Variants in NECTIN1 observed in about 807,000 individuals in gnomAD.
NECTIN1 encodes the protein nectin-1.
A neutral mutation model predicts 48.0 loss-of-function variants in NECTIN1; 23 were observed. The observed-to-expected ratio is 0.48, with a 90% CI of 0.34 to 0.68. The LOEUF (loss-of-function observed/expected upper bound fraction) is 0.68. Ranked by LOEUF, NECTIN1 falls within the 30% of genes least tolerant of loss-of-function variation. NECTIN1 has a pLI of 0.01. For synonymous variants in NECTIN1, 270 were observed against 288.9 expected (o/e 0.93, Z 0.66); for missense variants, 591 against 709.9 (o/e 0.83, Z 1.90).
intron 1 of NECTIN1, among the ~76,000 whole-genome samples, chr11:119,679,479 G>C (rs987957072): frequency 6.6e-6 from 1 of 152,114 alleles, no homozygotes; most frequent in African/African-American, 2.4e-5. Flanking sequence ...CACTGCATAA[G>C]GCCAGGCCTC....
At chr11:119,679,033 C>A (rs1310489467) in intron 1 of NECTIN1, among the ~76,000 whole-genome samples, 1 of 152,174 alleles carries the variant, frequency 6.6e-6, no homozygotes, top group Non-Finnish European at 1.5e-5. Flanking sequence ...TCCACATAAC[C>A]ATCTATCTAT....
In NECTIN1 at chr11:119,662,847, G is replaced by C; in HGVS notation, c.*1900C>G. 1.0e-6 allele frequency: 1 copy of C among 986,136 alleles called. No individual in the cohort carries two copies. The highest frequency in any genetic ancestry group is 1.7e-5 in the African/African-American group (1 of 57,360). The allele number at this position is 986,136 out of a possible 1,614,324, so 61.1% of individuals were successfully genotyped here. On this transcript the variant is annotated 3_prime_UTR_variant, in exon 6 of 6. Transcript: ENST00000264025. The surrounding 1 kb of genome is among the most constrained non-coding windows in gnomAD (Gnocchi z 5.3). Reference sequence around the variant, plus strand: ...CCCTATCCAGTACCCCAAATGTGTAGAGGGGAGAGCCGCACCAGGGCTGGC... The same window carrying C: ...CCCTATCCAGTACCCCAAATGTGTACAGGGGAGAGCCGCACCAGGGCTGGC...
At chr11:119,648,391 GTGATGGTGGTGA>G (rs1864442112) in intron 5 of NECTIN1, among the ~76,000 whole-genome samples, 3 of 67,044 alleles carry the variant, frequency 4.5e-5, no homozygotes, top group Non-Finnish European at 6.3e-5. Flanking sequence ...GGTGGTGGTG[GTGATGGTGGTGA>G]TGGTGATGGT....
chr11:119,697,322 T>C (rs1186817993), intron 1 of NECTIN1, among the ~76,000 whole-genome samples: 2 of 152,196 alleles, frequency 1.3e-5, no homozygotes, highest in African/African-American at 4.8e-5. Context: ...GGCCCTGCTG[T>C]GTCTCTTCAT....
chr11:119,655,880 T>A (rs1864565332), intron 5 of NECTIN1, among the ~76,000 whole-genome samples: 1 of 152,152 alleles, frequency 6.6e-6, no homozygotes, highest in Admixed American at 6.5e-5. Flanking sequence ...CTTCACCACC[T>A]GAAAGGTCTC....
At chr11:119,674,938 C>T (rs1864922025) in intron 5 of NECTIN1, among the ~76,000 whole-genome samples, 1 of 152,226 alleles carries the variant, frequency 6.6e-6, no homozygotes, top group African/African-American at 2.4e-5. Context: ...AGCCTTCCTC[C>T]TGCCCCTCTC....
At chr11:119,647,197 G>GTA (rs1864409960) in intron 5 of NECTIN1, among the ~76,000 whole-genome samples, 1 of 126,992 alleles carries the variant, frequency 7.9e-6, no homozygotes, top group Non-Finnish European at 1.8e-5. Flanking sequence ...GTGTGTGTGT[G>GTA]TGTGTGTGTG....
At chr11:119,668,842 T>G (rs1864820416) in intron 5 of NECTIN1, among the ~76,000 whole-genome samples, 1 of 152,246 alleles carries the variant, frequency 6.6e-6, no homozygotes. Flanking sequence ...TCTTCTCTTC[T>G]GCAGGAATGA....
At chr11:119,695,394 C>T (rs1458180531) in intron 1 of NECTIN1, among the ~76,000 whole-genome samples, 1 of 150,070 alleles carries the variant, frequency 6.7e-6, no homozygotes, top group Non-Finnish European at 1.5e-5. Context: ...TCAGCTCTGA[C>T]CTCAGGTTCC....
chr11:119,687,758 A>G (rs975796118), intron 1 of NECTIN1, among the ~76,000 whole-genome samples: 1 of 152,170 alleles, frequency 6.6e-6, no homozygotes, highest in African/African-American at 2.4e-5. Flanking sequence ...CTTCAGGCTG[A>G]TGTTCAACAC....
At chr11:119,675,035 G>T in intron 5 of NECTIN1, 124 bp downstream of exon 5, 1 of 1,224,784 alleles carries the variant, frequency 8.2e-7, no homozygotes, top group Non-Finnish European at 1.2e-6. Context: ...CAGAGCTCAA[G>T]GGAGAACTAG....
chr11:119,694,149 A>AG (rs1591471005), intron 1 of NECTIN1, among the ~76,000 whole-genome samples: 1 of 152,058 alleles, frequency 6.6e-6, no homozygotes, highest in South Asian at 2.1e-4. Flanking sequence ...CCATTCACAG[A>AG]GGGGGAAATG....
At chr11:119,702,178 G>C (rs1198009233) in intron 1 of NECTIN1, among the ~76,000 whole-genome samples, 1 of 152,152 alleles carries the variant, frequency 6.6e-6, no homozygotes, top group Admixed American at 6.5e-5. Flanking sequence ...CTAGACACTG[G>C]AGGGGTCATC....
rs536959088 is a variant in NECTIN1 at position 119,665,110 on chromosome 11, G to C, written c.1191C>G (p.Gly397=). Residue 397 remains glycine (G), a synonymous_variant, in exon 6 of 6, where the codon GGC becomes GGG. Coordinates refer to ENST00000264025, the MANE Select transcript of NECTIN1 (RefSeq NM_002855.5). This position sits in a 1 kb window ranked among gnomAD's most constrained non-coding sequence, Gnocchi z 5.1. Reference sequence around the variant, plus strand: ...GGATGCCTGCCTTGCTGTAGCCGTTGCCATACACGTGCTTCTTGGTGCTGT... The same window carrying C: ...GGATGCCTGCCTTGCTGTAGCCGTTCCCATACACGTGCTTCTTGGTGCTGT... The part of the protein sequence containing the change: ...GDYSTKKHVY[G]NGYSKAGIPQ... 4.7e-5 allele frequency: 76 copies of C among 1,613,918 alleles called. No individual in the cohort carries two copies. The highest frequency in any genetic ancestry group is 6.4e-5 in the Non-Finnish European group (75 of 1,180,010).
rs1372655815 is a variant in NECTIN1 at position 119,662,257 on chromosome 11, G to T, written c.*2490C>A. ...TTTTGCCAGCTGGCTGTGTCTGTGG[G>T]CCCAGCAGTAGTGCCCACCTTCCCA... On this transcript the variant is annotated 3_prime_UTR_variant, in exon 6 of 6. Transcript: ENST00000264025. The surrounding 1 kb of genome is among the most constrained non-coding windows in gnomAD (Gnocchi z 5.3). The T allele has an allele frequency of 1.0e-6, 1 of 985,476 alleles. No individual in the cohort carries two copies. Among genetic ancestry groups the T allele is most frequent in the Non-Finnish European group, 1.2e-6 (1 of 829,954 alleles). The allele number at this position is 985,476 out of a possible 1,614,324, so 61.0% of individuals were successfully genotyped here.
intron 5 of NECTIN1, 66 bp downstream of exon 5, chr11:119,675,093 G>T: frequency 6.4e-7 from 1 of 1,565,742 alleles, no homozygotes; most frequent in Non-Finnish European, 8.8e-7. Flanking sequence ...TTGCTCAAAG[G>T]TGAGGGATGC....
downstream of NECTIN1, among the ~76,000 whole-genome samples, chr11:119,657,186 G>T (rs556014722): frequency 2.0e-5 from 3 of 152,244 alleles, no homozygotes; most frequent in African/African-American, 7.2e-5. Flanking sequence ...TTAACTCATG[G>T]AATAACCCAA....
intron 1 of NECTIN1, among the ~76,000 whole-genome samples, chr11:119,711,074 A>AAC (rs1555083136): frequency 1.6e-4 from 22 of 136,804 alleles, no homozygotes; most frequent in African/African-American, 5.8e-4. Context: ...AAAAAAAAAA[A>AAC]ACCAAAAACA....
intron 5 of NECTIN1, among the ~76,000 whole-genome samples, chr11:119,666,167 C>A (rs1306962958): frequency 1.3e-5 from 2 of 152,154 alleles, no homozygotes; most frequent in Admixed American, 1.3e-4. Flanking sequence ...TGTGTGCGTG[C>A]GTGGCAATGT....
Sources: allele counts gnomAD v4.1 joint callset (sites outside exome capture counted in the v4.1 genomes callset), GRCh38; gene constraint gnomAD v4.1.1; non-coding constraint Gnocchi (gnomAD v3.1); transcripts MANE v1.5; gene names NCBI Gene and HGNC (gene_info 2026-07-23, HGNC 2026-07-21).